RAPGEF2: variants seen among roughly 807,000 people sequenced by gnomAD.
RAPGEF2 encodes the protein PDZ domain containing guanine nucleotide exchange factor (GEF) 1.
A neutral mutation model predicts 186.7 loss-of-function variants in RAPGEF2; 54 were observed. The ratio of observed to expected loss-of-function variants is 0.29; its 90% CI spans 0.23 to 0.36. The LOEUF is 0.36. RAPGEF2 is among the 10% of genes least tolerant of loss of function. The pLI is 1.00. For synonymous variants in RAPGEF2, 712 were observed against 705.9 expected (o/e 1.01, Z -0.14); for missense variants, 1,532 against 2,045.0 (o/e 0.75, Z 4.84).
chr4:159,131,063 CAG>C (rs1312618782), intron 1 of RAPGEF2, among the ~76,000 whole-genome samples: 5 of 149,004 alleles, frequency 3.4e-5, no homozygotes, highest in Non-Finnish European at 7.4e-5. Context: ...GAAAATAATA[CAG>C]AGTTTCGCGT....
chr4:159,150,056 C>T (rs1229820449), intron 1 of RAPGEF2, among the ~76,000 whole-genome samples: 2 of 151,912 alleles, frequency 1.3e-5, no homozygotes, highest in African/African-American at 4.8e-5. Flanking sequence ...AGAAGGTTCA[C>T]CAAGTAGTAG....
intron 7 of RAPGEF2, among the ~76,000 whole-genome samples, chr4:159,257,572 T>C (rs751207189): frequency 6.6e-6 from 1 of 152,210 alleles, no homozygotes; most frequent in Non-Finnish European, 1.5e-5. Context: ...CATATCAACA[T>C]TTAAGTCTTT....
At chr4:159,310,929 C>A (rs1763877839) in intron 8 of RAPGEF2, among the ~76,000 whole-genome samples, 1 of 152,036 alleles carries the variant, frequency 6.6e-6, no homozygotes, top group Admixed American at 6.6e-5. Context: ...TGTATTTAAA[C>A]TTTTTATCTT....
chr4:159,351,256 C>A, intron 26 of RAPGEF2: 1 of 1,417,954 alleles, frequency 7.1e-7, no homozygotes, highest in South Asian at 1.4e-5. Flanking sequence ...TGGGAGAATT[C>A]CTCCAAATGT....
rs369614326 is a variant in RAPGEF2, at chr4:159,204,355, C to T, written c.198-6145C>T. 4.6e-5 allele frequency among the ~76,000 whole-genome samples: 7 copies of T among 152,190 alleles called. No individual in the cohort carries two copies. The East Asian group carries it at 9.7e-4, about 21-fold the overall frequency. ...GATGGAGAGAGGTAAACATCTTGAA[C>T]AGCATGGCAGAGTTGGAATGAACAG... On this transcript the variant is annotated intron_variant, in intron 3 of 29. Coordinates refer to ENST00000691494, the MANE Select transcript of RAPGEF2 (RefSeq NM_001394067.2).
chr4:159,143,162 C>A (rs977666016), intron 1 of RAPGEF2, among the ~76,000 whole-genome samples: 3 of 151,932 alleles, frequency 2.0e-5, no homozygotes, highest in Admixed American at 6.6e-5. Context: ...CTCAGGAGTT[C>A]CAGGCTGTAT....
rs59589569 is a variant in RAPGEF2, at chr4:159,335,351, A to T, written c.2135+2654A>T. Among the ~76,000 whole-genome samples the T allele has an allele frequency of 6.2e-3, 944 of 152,336 alleles. 6 individuals are homozygous for T. The highest frequency in any genetic ancestry group is 0.021 in the African/African-American group (890 of 41,580). Reference sequence around the variant, plus strand: ...CCAGTGCAGATCGAAAGACAATTTCAGTAACAAGGAAAGTGTTGGAGAGGT... The same window carrying T: ...CCAGTGCAGATCGAAAGACAATTTCTGTAACAAGGAAAGTGTTGGAGAGGT... On this transcript the variant is annotated intron_variant, in intron 17 of 29. Transcript: ENST00000691494.
intron 1 of RAPGEF2, among the ~76,000 whole-genome samples, chr4:159,134,626 C>T (rs144941306): frequency 2.1e-4 from 32 of 152,320 alleles, no homozygotes; most frequent in East Asian, 1.7e-3. Flanking sequence ...TCTGCATCCT[C>T]GTCAGCACTT....
chr4:159,143,534 A>C (rs761307376), intron 1 of RAPGEF2, among the ~76,000 whole-genome samples: 4 of 152,238 alleles, frequency 2.6e-5, no homozygotes, highest in Non-Finnish European at 5.9e-5. Flanking sequence ...TGGTCAATTA[A>C]TAAAAGGAGG....
chr4:159,193,825 A>G (rs184603798), intron 3 of RAPGEF2, among the ~76,000 whole-genome samples: 8 of 152,364 alleles, frequency 5.3e-5, no homozygotes, highest in African/African-American at 1.9e-4. Flanking sequence ...TTTTGTTTCA[A>G]TAATGTTTGC....
chr4:159,268,111 T>G (rs766535847), intron 7 of RAPGEF2: 2 of 1,606,152 alleles, frequency 1.2e-6, no homozygotes, highest in Non-Finnish European at 1.7e-6. Context: ...TCGTGAGAGA[T>G]TGGTACATGA....
rs548132580 is a variant in RAPGEF2, at chr4:159,299,893, G to T, written c.544-4449G>T. 5.9e-5 allele frequency among the ~76,000 whole-genome samples: 9 copies of T among 151,348 alleles called. No individual in the cohort carries two copies. In the South Asian group the frequency reaches 1.9e-3, roughly 32 times the overall value. On this transcript the variant is annotated intron_variant, in intron 7 of 29. Coordinates refer to ENST00000691494, the MANE Select transcript of RAPGEF2 (RefSeq NM_001394067.2). ...TTTGTCCTACATAATAAAAAAAAAA[G>T]CTATTATACAAATGATACCAAGGTT...
intron 1 of RAPGEF2, among the ~76,000 whole-genome samples, chr4:159,126,149 CAA>C (rs1051390864): frequency 3.3e-5 from 5 of 152,032 alleles, no homozygotes; most frequent in Non-Finnish European, 7.4e-5. Flanking sequence ...TTTATGAAAA[CAA>C]TATTTTTTTG....
chr4:159,205,436 T>C (rs956103145), intron 3 of RAPGEF2, among the ~76,000 whole-genome samples: 1 of 152,178 alleles, frequency 6.6e-6, no homozygotes, highest in African/African-American at 2.4e-5. Context: ...CCACTATATG[T>C]TGAAAACATC....
Position 159,210,482 on chromosome 4 carries a change from G to A in RAPGEF2, c.198-18G>A, listed in dbSNP as rs551730233. On this transcript the variant is annotated intron_variant, in intron 3 of 29. Transcript: ENST00000691494. The stretch of plus-strand genomic sequence containing the variant: ...TTGTTATAGGTAACAATCTGATTCT[G>A]TTACCTTTTCTTTTCAGCCCTGATG... 3.3e-6 allele frequency: 5 copies of A among 1,501,642 alleles called. No homozygotes were observed. The highest frequency in any genetic ancestry group is 2.8e-5 in the African/African-American group (2 of 72,260). 93.0% of individuals were successfully genotyped at this position (1,501,642 alleles called of 1,614,324 possible).
At chr4:159,294,899 G>C (rs118047780) in intron 7 of RAPGEF2, among the ~76,000 whole-genome samples, 1 of 152,092 alleles carries the variant, frequency 6.6e-6, no homozygotes, top group South Asian at 2.1e-4. Flanking sequence ...CACCGTGTTC[G>C]TCAGGCTGGT....
At chr4:159,250,268 A>G (rs1755149546) in intron 7 of RAPGEF2, among the ~76,000 whole-genome samples, 1 of 152,150 alleles carries the variant, frequency 6.6e-6, no homozygotes, top group Non-Finnish European at 1.5e-5. Context: ...TCACCACTAA[A>G]GAACTTACTT....
intron 7 of RAPGEF2, among the ~76,000 whole-genome samples, chr4:159,275,625 G>A (rs1172620695): frequency 1.3e-5 from 2 of 152,074 alleles, no homozygotes; most frequent in Non-Finnish European, 2.9e-5. Flanking sequence ...TGAGTTTTGA[G>A]AATATACGCT....
chr4:159,307,809 T>G (rs1195046372), intron 8 of RAPGEF2, among the ~76,000 whole-genome samples: 1 of 151,936 alleles, frequency 6.6e-6, no homozygotes, highest in Non-Finnish European at 1.5e-5. Flanking sequence ...CCATCTCTAC[T>G]AAAATACAAA....
Sources: allele counts gnomAD v4.1 joint callset (sites outside exome capture counted in the v4.1 genomes callset), GRCh38; gene constraint gnomAD v4.1.1; transcripts MANE v1.5; gene names NCBI Gene and HGNC (gene_info 2026-07-23, HGNC 2026-07-21).